CTDSPL2: variants seen among roughly 807,000 people sequenced by gnomAD.
CTDSPL2 encodes the protein CTD small phosphatase like 2.
A neutral mutation model predicts 60.0 loss-of-function variants in CTDSPL2; 5 were observed. That is an observed-to-expected ratio of 0.08 (90% CI 0.04 to 0.18). The LOEUF is 0.18. Among genes scored for constraint, CTDSPL2 ranks in the 10% least tolerant of loss-of-function variants. CTDSPL2 has a pLI of 1.00. For missense variants in CTDSPL2, 370 were observed against 548.8 expected (o/e 0.67, Z 3.26); for synonymous variants, 186 against 189.3 (o/e 0.98, Z 0.14).
At chr15:44,523,631 A>G (rs945428763) in intron 12 of CTDSPL2, among the ~76,000 whole-genome samples, 4 of 152,104 alleles carry the variant, frequency 2.6e-5, no homozygotes, top group African/African-American at 7.2e-5. Flanking sequence ...TTCATTTATA[A>G]ATAAACAAAC....
chr15:44,490,367 G>A (rs968503431), intron 4 of CTDSPL2, among the ~76,000 whole-genome samples: 21 of 152,154 alleles, frequency 1.4e-4, no homozygotes, highest in Admixed American at 9.2e-4. Flanking sequence ...CTGAGCTCAA[G>A]CAATCTGCTT....
intron 1 of CTDSPL2, among the ~76,000 whole-genome samples, chr15:44,454,956 C>G (rs2080404216): frequency 6.6e-6 from 1 of 152,140 alleles, no homozygotes; most frequent in Non-Finnish European, 1.5e-5. Flanking sequence ...TTTTCCAATT[C>G]TGTGAAGAAA....
At chr15:44,506,983 G>A (rs142912658) in intron 8 of CTDSPL2, among the ~76,000 whole-genome samples, 50 of 149,564 alleles carry the variant, frequency 3.3e-4, no homozygotes, top group African/African-American at 8.4e-4. Flanking sequence ...AAGCCAGGAC[G>A]GTCTCAATCT....
chr15:44,447,129 C>T (rs189987193), intron 1 of CTDSPL2, among the ~76,000 whole-genome samples: 1 of 152,222 alleles, frequency 6.6e-6, no homozygotes, highest in Admixed American at 6.5e-5. Context: ...GCTGTCTTCT[C>T]CCCTTATACT....
chr15:44,457,459 C>T (rs1356289803), intron 1 of CTDSPL2, among the ~76,000 whole-genome samples: 2 of 152,184 alleles, frequency 1.3e-5, no homozygotes, highest in East Asian at 3.8e-4. Context: ...AGCTTCTTCA[C>T]CTCTGGATTA....
At chr15:44,453,582 C>G (rs891871471) in intron 1 of CTDSPL2, among the ~76,000 whole-genome samples, 1 of 147,518 alleles carries the variant, frequency 6.8e-6, no homozygotes, top group African/African-American at 2.5e-5. Flanking sequence ...CCATCCCCCC[C>G]ACCCCACGAC....
chr15:44,464,546 G>C (rs1267971972), intron 2 of CTDSPL2, among the ~76,000 whole-genome samples: 1 of 152,170 alleles, frequency 6.6e-6, no homozygotes, highest in Admixed American at 6.5e-5. Context: ...AGAACAAGAT[G>C]CTGGCCAACA....
At chr15:44,512,325 G>A (rs2081581455) in intron 8 of CTDSPL2, among the ~76,000 whole-genome samples, 1 of 152,070 alleles carries the variant, frequency 6.6e-6, no homozygotes, top group Non-Finnish European at 1.5e-5. Context: ...GTGATAATAG[G>A]GATATTGAAA....
chr15:44,514,513 C>A, intron 8 of CTDSPL2, 85 bp from the exon 9 acceptor site: 2 of 809,476 alleles, frequency 2.5e-6, no homozygotes, highest in Non-Finnish European at 4.2e-6. Flanking sequence ...TCATTATAAT[C>A]AAAGTTAGAA....
At chr15:44,504,982 A>AT (rs1413219901) in intron 8 of CTDSPL2, among the ~76,000 whole-genome samples, 25 of 152,130 alleles carry the variant, frequency 1.6e-4, no homozygotes, top group African/African-American at 5.8e-4. Context: ...ATTGGTACTA[A>AT]TTTTTTCATC....
chr15:44,481,289 G>A (rs79211168), intron 2 of CTDSPL2, among the ~76,000 whole-genome samples: 2,697 of 152,304 alleles, frequency 0.018, 94 homozygotes, highest in East Asian at 0.13. Flanking sequence ...TTCCTCTTCC[G>A]TTTTTGTAAC....
intron 1 of CTDSPL2, 133 bp downstream of exon 1, chr15:44,427,905 C>G (rs2079778661): frequency 2.6e-6 from 1 of 382,086 alleles, no homozygotes; most frequent in South Asian, 1.5e-4. Flanking sequence ...TAGGCATGCA[C>G]TCTTTGGCGC....
At chr15:44,487,260 C>T (rs974038647) in intron 4 of CTDSPL2, among the ~76,000 whole-genome samples, 3 of 151,908 alleles carry the variant, frequency 2.0e-5, no homozygotes, top group Non-Finnish European at 4.4e-5. Flanking sequence ...TTGAGACTAG[C>T]CTGGGCAACA....
At chr15:44,450,589 A>ATTTTTTTTTTTT (rs36016079) in intron 1 of CTDSPL2, among the ~76,000 whole-genome samples, 1 of 88,694 alleles carries the variant, frequency 1.1e-5, no homozygotes, top group African/African-American at 4.8e-5. Context: ...TATATTCTTA[A>ATTTTTTTTTTTT]TTTTTTTTTT....
chr15:44,495,523 T>G (rs911145375), intron 5 of CTDSPL2, among the ~76,000 whole-genome samples: 1 of 147,826 alleles, frequency 6.8e-6, no homozygotes, highest in Non-Finnish European at 1.5e-5. Context: ...CACTCCAGCC[T>G]GGGTGACAGA....
rs145684626 is a variant in CTDSPL2 at position 44,523,772 on chromosome 15, G to A, written c.1336-337G>A. On this transcript the variant is annotated intron_variant, in intron 12 of 12. Transcript: ENST00000260327. ...AAATTAGCCAGGCATGGTGGTGGGC[G>A]TCTGTAGTCCCAGCTACTTTGGAGG... Among the ~76,000 whole-genome samples, 628 of 152,276 alleles carry A rather than the reference G, an allele frequency of 4.1e-3. 15 individuals carry two copies. Among genetic ancestry groups the A allele is most frequent in the East Asian group, 0.038 (198 of 5,178 alleles).
At chr15:44,522,409 C>T (rs1042715615) in intron 12 of CTDSPL2, among the ~76,000 whole-genome samples, 11 of 152,150 alleles carry the variant, frequency 7.2e-5, no homozygotes, top group Non-Finnish European at 1.5e-4. Context: ...AATGTCTTTA[C>T]TATTTCAGTG....
At chr15:44,496,064 T>C (rs2081295012) in intron 5 of CTDSPL2, among the ~76,000 whole-genome samples, 1 of 152,210 alleles carries the variant, frequency 6.6e-6, no homozygotes, top group Non-Finnish European at 1.5e-5. Context: ...TGATTACATG[T>C]AAACACCATA....
In CTDSPL2 at chr15:44,468,734, CT is replaced by C. The variant is rs201387199; in HGVS notation, c.186+9535del. ...TGGACACGGGTACAGTAGTTCCCCC[CT>C]ATCTTTGGTTTTGTGTTCCATAGTT... On this transcript the variant is annotated intron_variant, in intron 2 of 12. Coordinates refer to ENST00000260327, the MANE Select transcript of CTDSPL2 (RefSeq NM_016396.3). 6.0e-4 allele frequency among the ~76,000 whole-genome samples: 91 copies of C among 152,260 alleles called. No homozygotes were observed. The East Asian group carries it at 9.3e-3, about 15-fold the overall frequency.
Sources: allele counts gnomAD v4.1 joint callset (sites outside exome capture counted in the v4.1 genomes callset), GRCh38; gene constraint gnomAD v4.1.1; transcripts MANE v1.5; gene names NCBI Gene and HGNC (gene_info 2026-07-23, HGNC 2026-07-21).